Variants in SMIM3 observed in about 807,000 individuals in gnomAD.
SMIM3 encodes the protein NGF-induced differentiation clone 67 protein.
In SMIM3, 4 loss-of-function variants were observed where a neutral mutation model predicts 2.1. That is an observed-to-expected ratio of 1.89 (90% confidence interval 0.93 to 4.31). The LOEUF is 4.31. Among genes scored for constraint, SMIM3 ranks in the 30% most tolerant of loss-of-function variants. The pLI is 0.01. For missense variants in SMIM3, 79 were observed against 77.7 expected (o/e 1.02, Z -0.06); for synonymous variants, 29 against 30.8 (o/e 0.94, Z 0.19).
At chr5:150,783,113 G>A (rs1753253426) in intron 1 of SMIM3, among the ~76,000 whole-genome samples, 1 of 152,234 alleles carries the variant, frequency 6.6e-6, no homozygotes, top group South Asian at 2.1e-4. Flanking sequence ...TTAGGTTGAG[G>A]TCATGGACAT....
At chr5:150,784,036 A>G (rs1324477346) in intron 1 of SMIM3, among the ~76,000 whole-genome samples, 1 of 148,704 alleles carries the variant, frequency 6.7e-6, no homozygotes, top group Non-Finnish European at 1.5e-5. Flanking sequence ...TTCCTGCCTC[A>G]GCCTCCCGAG....
At chr5:150,791,423 C>G (rs1288337922) in intron 1 of SMIM3, among the ~76,000 whole-genome samples, 1 of 152,054 alleles carries the variant, frequency 6.6e-6, no homozygotes, top group Non-Finnish European at 1.5e-5. Context: ...GACCTTCCAG[C>G]CTCTGGTGAC....
At chr5:150,779,776 G>A (rs1243320815) in intron 1 of SMIM3, among the ~76,000 whole-genome samples, 1 of 152,056 alleles carries the variant, frequency 6.6e-6, no homozygotes, top group Non-Finnish European at 1.5e-5. Context: ...GCAGGGCCTG[G>A]CTAACAGTAG....
rs1561726273 is a variant in SMIM3, at chr5:150,796,658, G to A, written c.*1035G>A. The A allele has an allele frequency of 6.6e-6, 1 of 152,376 alleles. No individual in the cohort carries two copies. Among genetic ancestry groups the A allele is most frequent in the Non-Finnish European group, 1.5e-5 (1 of 68,038 alleles). The allele number at this position is 152,376 out of a possible 1,614,324, so 9.4% of individuals were successfully genotyped here. On this transcript the variant is annotated 3_prime_UTR_variant, in exon 2 of 2. Coordinates refer to ENST00000526627, the MANE Select transcript of SMIM3 (RefSeq NM_032947.5). Reference sequence around the variant, plus strand: ...ATAGCACAGATATCGGGATATTATTGTGTGAAAATGCTGCTTTTACTTTGA... The same window carrying A: ...ATAGCACAGATATCGGGATATTATTATGTGAAAATGCTGCTTTTACTTTGA...
intron 1 of SMIM3, among the ~76,000 whole-genome samples, chr5:150,787,584 T>G (rs1753307022): frequency 6.6e-6 from 1 of 152,168 alleles, no homozygotes; most frequent in Non-Finnish European, 1.5e-5. Flanking sequence ...TCAGGATTCC[T>G]GAGTATGAAT....
chr5:150,779,052 G>A (rs1753204768), intron 1 of SMIM3, 80 bp downstream of exon 1: 1 of 461,446 alleles, frequency 2.2e-6, no homozygotes, highest in Non-Finnish European at 4.5e-6. Context: ...CCTCTAGTGC[G>A]GCCCCTTTCC....
intron 1 of SMIM3, among the ~76,000 whole-genome samples, chr5:150,794,866 A>G (rs1269324164): frequency 6.6e-6 from 1 of 152,124 alleles, no homozygotes; most frequent in African/African-American, 2.4e-5. Context: ...GTTACTGGGG[A>G]TGGAAACATA....
chr5:150,790,073 G>A (rs77841093), intron 1 of SMIM3, among the ~76,000 whole-genome samples: 2,686 of 152,266 alleles, frequency 0.018, 46 homozygotes, highest in East Asian at 0.061. Context: ...GCAGCGACAC[G>A]ATCAGATCTA....
intron 1 of SMIM3, among the ~76,000 whole-genome samples, chr5:150,789,758 T>G (rs899037296): frequency 3.3e-5 from 5 of 152,116 alleles, no homozygotes; most frequent in South Asian, 2.1e-4. Flanking sequence ...AAAGTTTGTG[T>G]GTTATGGTGT....
At chr5:150,780,168 T>TG (rs1232293182) in intron 1 of SMIM3, among the ~76,000 whole-genome samples, 2 of 152,152 alleles carry the variant, frequency 1.3e-5, no homozygotes, top group Non-Finnish European at 2.9e-5. Flanking sequence ...ACAGGTACTC[T>TG]GGGGGTTAGG....
intron 1 of SMIM3, among the ~76,000 whole-genome samples, chr5:150,779,431 G>C (rs1454491366): frequency 2.6e-5 from 4 of 152,168 alleles, no homozygotes; most frequent in Non-Finnish European, 4.4e-5. Flanking sequence ...CGCTTTTCTC[G>C]AGGCCCCGTG....
intron 1 of SMIM3, among the ~76,000 whole-genome samples, chr5:150,793,756 G>A (rs1753373733): frequency 6.6e-6 from 1 of 152,138 alleles, no homozygotes; most frequent in South Asian, 2.1e-4. Context: ...CTAGACATTG[G>A]CTTAGGCAAG....
At chr5:150,794,149 T>C (rs1003163808) in intron 1 of SMIM3, among the ~76,000 whole-genome samples, 9 of 152,050 alleles carry the variant, frequency 5.9e-5, no homozygotes, top group Non-Finnish European at 1.3e-4. Context: ...AGAATGGCCA[T>C]AATAAAAAGA....
chr5:150,778,998 T>C (rs1242786693), intron 1 of SMIM3, 26 bp downstream of exon 1: 1 of 483,502 alleles, frequency 2.1e-6, no homozygotes, highest in Non-Finnish European at 4.3e-6. Context: ...GGGGGATTGT[T>C]TGTGGGGCTC....
intron 1 of SMIM3, among the ~76,000 whole-genome samples, chr5:150,786,386 C>G (rs1320033756): frequency 6.6e-6 from 1 of 152,174 alleles, no homozygotes; most frequent in Admixed American, 6.5e-5. Context: ...CTCCTGGGCT[C>G]AAGTGATCCT....
intron 1 of SMIM3, among the ~76,000 whole-genome samples, chr5:150,786,438 C>A (rs1753294350): frequency 6.6e-6 from 1 of 152,058 alleles, no homozygotes; most frequent in African/African-American, 2.4e-5. Flanking sequence ...CAGGTGCACA[C>A]CATGCCCATC....
chr5:150,780,295 G>A (rs1753218295), intron 1 of SMIM3, among the ~76,000 whole-genome samples: 1 of 152,160 alleles, frequency 6.6e-6, no homozygotes, highest in Non-Finnish European at 1.5e-5. Context: ...AGCATGACAT[G>A]CTCTTTGGTT....
chr5:150,788,633 C>CAA (rs765111003), intron 1 of SMIM3, among the ~76,000 whole-genome samples: 874 of 79,952 alleles, frequency 0.011, 16 homozygotes, highest in South Asian at 0.047. Context: ...GACTGTGTCT[C>CAA]AAAAAAAAAA....
At chr5:150,779,836 C>CG (rs1330568794) in intron 1 of SMIM3, among the ~76,000 whole-genome samples, 350 of 112,222 alleles carry the variant, frequency 3.1e-3, no homozygotes, top group African/African-American at 0.014. Context: ...GTAACCCCCC[C>CG]CGCCCCCCCC....
Sources: allele counts gnomAD v4.1 joint callset (sites outside exome capture counted in the v4.1 genomes callset), GRCh38; gene constraint gnomAD v4.1.1; transcripts MANE v1.5; gene names NCBI Gene and HGNC (gene_info 2026-07-23, HGNC 2026-07-21).